The following DMXL2 variants were observed in gnomAD, a reference collection of about 807,000 sequenced individuals.
DMXL2 encodes dmX-like protein 2.
Under a neutral mutation model 331.1 loss-of-function variants are expected in DMXL2, and 103 were observed. The ratio of observed to expected loss-of-function variants is 0.31; its 90% CI spans 0.27 to 0.37. The LOEUF (loss-of-function observed/expected upper bound fraction) is 0.37, where lower values mean the gene tolerates loss of function less well. DMXL2 is among the 10% of genes least tolerant of loss of function. The probability of loss-of-function intolerance (pLI) is 1.00; values close to 1 mark genes in which losing one functional copy is unlikely to be tolerated. For synonymous variants in DMXL2, 1,281 were observed against 1,252.1 expected, an observed-to-expected ratio of 1.02 and a Z score of -0.49; for missense variants, 3,171 against 3,642.9, an observed-to-expected ratio of 0.87 and a Z score of 3.33.
At chr15:51,463,858 A>C (rs1436790088) in intron 32 of DMXL2, among the ~76,000 whole-genome samples, 1 of 152,166 alleles carries the variant, frequency 6.6e-6, no homozygotes, top group Non-Finnish European at 1.5e-5. Context: ...ACCGATTCTA[A>C]CAGCCTAACA....
intron 7 of DMXL2, 33 bp downstream of exon 7, chr15:51,547,197 G>A: frequency 6.6e-7 from 1 of 1,521,956 alleles, no homozygotes; most frequent in South Asian, 1.3e-5. Context: ...ATTTAAGGAT[G>A]CAAACTAAAG....
intron 6 of DMXL2, among the ~76,000 whole-genome samples, chr15:51,554,296 A>G (rs1364848031): frequency 6.6e-6 from 1 of 152,230 alleles, no homozygotes; most frequent in East Asian, 1.9e-4. Context: ...TGGTAATCCT[A>G]AGAAATATGA....
At chr15:51,561,035 A>C (rs1038687335) in intron 6 of DMXL2, among the ~76,000 whole-genome samples, 6 of 152,020 alleles carry the variant, frequency 3.9e-5, no homozygotes, top group Non-Finnish European at 5.9e-5. Context: ...AAAATTAAAA[A>C]TTTAATAGCA....
chr15:51,617,927 C>T (rs1456008429), intron 1 of DMXL2, among the ~76,000 whole-genome samples: 1 of 152,158 alleles, frequency 6.6e-6, no homozygotes, highest in East Asian at 1.9e-4. Flanking sequence ...ACCCTATATT[C>T]ACTTACTGGT....
intron 7 of DMXL2, among the ~76,000 whole-genome samples, chr15:51,546,716 T>C (rs536316408): frequency 1.3e-5 from 2 of 152,236 alleles, no homozygotes; most frequent in African/African-American, 4.8e-5. Context: ...GAAGCTTCTG[T>C]TGACAGCTCT....
chr15:51,460,066 T>C (rs1176994524), intron 33 of DMXL2: 5 of 948,624 alleles, frequency 5.3e-6, no homozygotes, highest in African/African-American at 1.8e-5. Context: ...TTTCTAAACA[T>C]AGATTCAAAA....
chr15:51,499,889 G>A lies in DMXL2; in HGVS notation c.3335C>T (p.Thr1112Ile), dbSNP rs1231553117. Residue 1112 changes from threonine to isoleucine, a missense_variant, in exon 18 of 44, where the codon ACA becomes ATA. Physicochemically the swap from Thr to Ile is moderately conservative, Grantham distance 89. Around this residue, in one of 7 missense-constraint regions of DMXL2, gnomAD observed 1,674 missense variants for 1,780.2 expected, o/e 0.94. Coordinates refer to ENST00000560891, the MANE Select transcript of DMXL2 (RefSeq NM_001378457.1). ...TTCTAAAACCCACTCTGATCCTCCTGTAGATTCACATTCAAATATACAAAC... is the reference window on the plus strand; with the variant it reads ...TTCTAAAACCCACTCTGATCCTCCTATAGATTCACATTCAAATATACAAAC... ...MHVCIFECES[T>I]GGSEWVLEQT... The A allele has an allele frequency of 6.2e-7, 1 of 1,614,130 alleles. No individual in the cohort carries two copies. The highest frequency in any genetic ancestry group is 2.2e-5 in the East Asian group (1 of 44,882).
Position 51,538,281 on chromosome 15 carries a change from GCAT to G in DMXL2, c.1274_1276del (p.Asp425del), listed in dbSNP as rs1193145465. The G allele has an allele frequency of 6.2e-7, 1 of 1,613,444 alleles. No homozygotes were observed. Among genetic ancestry groups the G allele is most frequent in the East Asian group, 2.2e-5 (1 of 44,818 alleles). The stretch of plus-strand genomic sequence containing the variant: ...TGAATGTTCCTCATCTTCTCTATCT[GCAT>G]CATCATTTTCATGATCTACCTGCTT... On this transcript the variant is annotated inframe_deletion, in exon 10 of 44. Coordinates refer to ENST00000560891, the MANE Select transcript of DMXL2 (RefSeq NM_001378457.1).
At chr15:51,528,849 C>T (rs1461894550) in intron 13 of DMXL2, among the ~76,000 whole-genome samples, 2 of 152,080 alleles carry the variant, frequency 1.3e-5, no homozygotes, top group African/African-American at 4.8e-5. Flanking sequence ...GAGGACAGAC[C>T]ATACGTTAGG....
chr15:51,461,394 C>G (rs867571009), intron 33 of DMXL2, among the ~76,000 whole-genome samples: 1 of 152,322 alleles, frequency 6.6e-6, no homozygotes, highest in Non-Finnish European at 1.5e-5. Flanking sequence ...ACTCTACACT[C>G]TGACAAGTCA....
intron 6 of DMXL2, among the ~76,000 whole-genome samples, chr15:51,557,524 C>A (rs2049678909): frequency 6.6e-6 from 1 of 152,096 alleles, no homozygotes; most frequent in African/African-American, 2.4e-5. Context: ...TAAAAATTAT[C>A]ATTTATTCTA....
rs376336080 is a variant in DMXL2, at chr15:51,514,568, A to C, written c.2527-9T>G. The C allele has an allele frequency of 3.3e-6, 5 of 1,534,404 alleles. No homozygotes were observed. In the African/African-American group the frequency reaches 7.0e-5, roughly 21 times the overall value. ...TGTGTATTTGAGCCACACTACAAAT[A>C]CAAAAAAAAATGAAGAGGTTTTATC... On this transcript the variant is annotated splice_polypyrimidine_tract_variant and intron_variant, in intron 14 of 43. Transcript: ENST00000560891.
At chr15:51,582,285 T>G (rs2051482555) in intron 1 of DMXL2, among the ~76,000 whole-genome samples, 1 of 152,220 alleles carries the variant, frequency 6.6e-6, no homozygotes, top group African/African-American at 2.4e-5. Context: ...AATACATGAC[T>G]ATAATTCAAA....
chr15:51,524,033 C>T (rs1248312700), intron 13 of DMXL2, among the ~76,000 whole-genome samples: 4 of 152,180 alleles, frequency 2.6e-5, no homozygotes, highest in Non-Finnish European at 4.4e-5. Context: ...AATACACATT[C>T]TTTTAAGTGC....
chr15:51,534,948 CCTCTT>C (rs1027732091), intron 13 of DMXL2, among the ~76,000 whole-genome samples: 18 of 152,058 alleles, frequency 1.2e-4, no homozygotes, highest in African/African-American at 3.9e-4. Context: ...CCCTTAGACT[CCTCTT>C]CTTATGTCTT....
At chr15:51,514,747 T>C (rs2046938384) in intron 14 of DMXL2, among the ~76,000 whole-genome samples, 188 bp from the exon 15 acceptor site, 1 of 149,672 alleles carries the variant, frequency 6.7e-6, no homozygotes, top group African/African-American at 2.5e-5. Flanking sequence ...CAGAGAAAAA[T>C]TACTTTCAAA....
intron 15 of DMXL2, 57 bp from the exon 16 acceptor site, chr15:51,507,310 A>T: frequency 6.6e-7 from 1 of 1,510,714 alleles, no homozygotes; most frequent in Non-Finnish European, 8.9e-7. Flanking sequence ...GGTTAAAAAA[A>T]CACTTTTTAA....
chr15:51,540,622 T>G (rs758958175), intron 9 of DMXL2, among the ~76,000 whole-genome samples: 1 of 151,994 alleles, frequency 6.6e-6, no homozygotes, highest in African/African-American at 2.4e-5. Context: ...TCAACTTTCT[T>G]GTAGTTTCAA....
chr15:51,622,211 T>A (rs1336990044), intron 1 of DMXL2, among the ~76,000 whole-genome samples: 1 of 152,204 alleles, frequency 6.6e-6, no homozygotes, highest in Non-Finnish European at 1.5e-5. Flanking sequence ...TCAGGCCCGT[T>A]TGCTTGGGGT....
Sources: allele counts gnomAD v4.1 joint callset (sites outside exome capture counted in the v4.1 genomes callset), GRCh38; gene constraint gnomAD v4.1.1; regional missense constraint gnomAD v4.1.1; transcripts MANE v1.5; gene names NCBI Gene and HGNC (gene_info 2026-07-23, HGNC 2026-07-21).